Variants in SLC2A14 observed in about 807,000 individuals in gnomAD.
SLC2A14 encodes solute carrier family 2, facilitated glucose transporter member 14.
A neutral mutation model predicts 43.0 loss-of-function variants in SLC2A14; 13 were observed. The ratio of observed to expected loss-of-function variants is 0.30; its 90% confidence interval spans 0.20 to 0.48. SLC2A14 has a LOEUF of 0.48. Ranked by LOEUF, SLC2A14 falls within the 20% of genes least tolerant of loss-of-function variation. The pLI, the probability that SLC2A14 is intolerant of heterozygous loss-of-function variation, is 0.99. For missense variants in SLC2A14, 428 were observed against 620.4 expected (o/e 0.69, Z 3.29); for synonymous variants, 190 against 233.8 (o/e 0.81, Z 1.71).
intron 2 of SLC2A14, among the ~76,000 whole-genome samples, chr12:7,848,578 G>C (rs1638801652): frequency 1.4e-5 from 2 of 147,812 alleles, no homozygotes; most frequent in African/African-American, 5.0e-5. Context: ...TTTTGAGACA[G>C]AGTTTTTGCT....
chr12:7,817,788 A>G (rs779147630), intron 10 of SLC2A14, 43 bp downstream of exon 10: 2 of 1,541,402 alleles, frequency 1.3e-6, no homozygotes, highest in East Asian at 2.7e-5. Context: ...AGACAGATAC[A>G]TAGATAGATA....
At chr12:7,832,843 AAT>A in intron 2 of SLC2A14, 29 bp from the exon 3 acceptor site, 1 of 1,603,106 alleles carries the variant, frequency 6.2e-7, no homozygotes, top group Admixed American at 1.7e-5. Flanking sequence ...GGGAGGAGAG[AAT>A]AGTCCTTAAA....
At chr12:7,839,416 C>T (rs920199563) in intron 2 of SLC2A14, among the ~76,000 whole-genome samples, 634 of 151,820 alleles carry the variant, frequency 4.2e-3, no homozygotes, top group African/African-American at 0.015. Flanking sequence ...TGGAGTGAAG[C>T]GGGGGCAGAG....
chr12:7,886,151 CTTTTTTTTTTTT>C (rs3044922), intron 1 of SLC2A14, among the ~76,000 whole-genome samples: 2 of 44,730 alleles, frequency 4.5e-5, no homozygotes, highest in East Asian at 7.2e-4. Flanking sequence ...GCCCGGACAG[CTTTTTTTTTTTT>C]TTTTTTTTTT....
chr12:7,858,870 A>T (rs960511139), intron 2 of SLC2A14, among the ~76,000 whole-genome samples: 1 of 152,160 alleles, frequency 6.6e-6, no homozygotes, highest in Non-Finnish European at 1.5e-5. Context: ...TGTCATAGCT[A>T]AGAAATCATT....
intron 8 of SLC2A14, 109 bp downstream of exon 8, chr12:7,821,112 A>G (rs1863874153): frequency 2.4e-6 from 2 of 817,310 alleles, no homozygotes; most frequent in Non-Finnish European, 3.8e-6. Context: ...ATAAAAATAA[A>G]TAACAAAAAA....
chr12:7,830,908 A>G (rs7306805), intron 4 of SLC2A14, among the ~76,000 whole-genome samples: 39,831 of 151,830 alleles, frequency 0.26, 5,516 homozygotes, highest in East Asian at 0.47. Context: ...CGGATCACGT[A>G]AGGTCAGGAG....
upstream of SLC2A14, among the ~76,000 whole-genome samples, chr12:7,876,544 C>T (rs1052565404): frequency 3.3e-5 from 5 of 151,986 alleles, no homozygotes; most frequent in African/African-American, 1.2e-4. Flanking sequence ...GAAGATTCCT[C>T]AAAAAATTAA....
At chr12:7,890,802 A>C (rs1445171285) in intron 1 of SLC2A14, 3 of 437,824 alleles carry the variant, frequency 6.9e-6, no homozygotes, top group Non-Finnish European at 7.9e-6. Flanking sequence ...GCAAAGAACA[A>C]AGCTTCTGGT....
At chr12:7,837,385 A>G (rs1865542751) in intron 2 of SLC2A14, among the ~76,000 whole-genome samples, 2 of 152,144 alleles carry the variant, frequency 1.3e-5, no homozygotes, top group Non-Finnish European at 2.9e-5. Context: ...AGTGGCTCAC[A>G]CTTGTAATCT....
chr12:7,834,441 C>T (rs1042813943), intron 2 of SLC2A14, among the ~76,000 whole-genome samples: 1 of 151,420 alleles, frequency 6.6e-6, no homozygotes, highest in Non-Finnish European at 1.5e-5. Context: ...ATAATCCCAG[C>T]CCTTTGGGAG....
intron 7 of SLC2A14, among the ~76,000 whole-genome samples, chr12:7,827,270 CTTTTTTTTTTT>C (rs71038780): frequency 4.0e-5 from 4 of 99,248 alleles, no homozygotes; most frequent in African/African-American, 7.7e-5. Flanking sequence ...TAATTTTTGT[CTTTTTTTTTTT>C]TTTTTTTTTT....
intron 2 of SLC2A14, among the ~76,000 whole-genome samples, chr12:7,842,853 C>T (rs939769863): frequency 6.6e-5 from 10 of 151,916 alleles, no homozygotes; most frequent in Admixed American, 2.0e-4. Flanking sequence ...CTCAGCCTCC[C>T]GAGTAGCTGT....
At chr12:7,883,831 C>T (rs1211453961) in intron 1 of SLC2A14, among the ~76,000 whole-genome samples, 1 of 151,840 alleles carries the variant, frequency 6.6e-6, no homozygotes, top group Non-Finnish European at 1.5e-5. Flanking sequence ...GCTCTACCTG[C>T]CTTGGCCTCC....
At chr12:7,824,200 G>T (rs1459285788) in intron 7 of SLC2A14, among the ~76,000 whole-genome samples, 3 of 152,052 alleles carry the variant, frequency 2.0e-5, no homozygotes, top group African/African-American at 7.2e-5. Context: ...AGGTTGCAGT[G>T]AGCCGAGATC....
intron 2 of SLC2A14, among the ~76,000 whole-genome samples, chr12:7,859,966 G>A (rs1412682033): frequency 6.6e-6 from 1 of 152,130 alleles, no homozygotes; most frequent in African/African-American, 2.4e-5. Context: ...GATAATTCCA[G>A]GCAGAGAGAT....
At chr12:7,881,498 C>A (rs929188039) in intron 1 of SLC2A14, among the ~76,000 whole-genome samples, 1 of 152,180 alleles carries the variant, frequency 6.6e-6, no homozygotes, top group Non-Finnish European at 1.5e-5. Context: ...GATTTCTCCC[C>A]AGGCCTTAGC....
chr12:7,858,878 A>G (rs1281748673), intron 2 of SLC2A14, among the ~76,000 whole-genome samples: 1 of 152,148 alleles, frequency 6.6e-6, no homozygotes, highest in Non-Finnish European at 1.5e-5. Context: ...CTAAGAAATC[A>G]TTACCCAATC....
intron 1 of SLC2A14, among the ~76,000 whole-genome samples, chr12:7,883,314 G>A (rs1945624224): frequency 1.4e-5 from 2 of 146,256 alleles, no homozygotes; most frequent in South Asian, 4.3e-4. Flanking sequence ...GTCTCCCAGG[G>A]TGGAGTGCAG....
Sources: allele counts gnomAD v4.1 joint callset (sites outside exome capture counted in the v4.1 genomes callset), GRCh38; gene constraint gnomAD v4.1.1; transcripts MANE v1.5; gene names NCBI Gene and HGNC (gene_info 2026-07-23, HGNC 2026-07-21).